Variants in NCK2 observed in about 807,000 individuals in gnomAD.
NCK2 encodes NCK adaptor protein 2, also known as cytoplasmic protein NCK2.
A neutral mutation model predicts 33.9 loss-of-function variants in NCK2; 16 were observed. The ratio of observed to expected loss-of-function variants is 0.47; its 90% CI spans 0.32 to 0.72. NCK2 has a LOEUF of 0.72. Among genes scored for constraint, NCK2 ranks in the 30% least tolerant of loss-of-function variants. The pLI, the probability that NCK2 is intolerant of heterozygous loss-of-function variation, is 0.03. For synonymous variants in NCK2, 273 were observed against 239.9 expected, an observed-to-expected ratio of 1.14 and a Z score of -1.27; for missense variants, 418 against 537.3, an observed-to-expected ratio of 0.78 and a Z score of 2.19.
chr2:105,783,590 G>A (rs1054840568), intron 1 of NCK2, among the ~76,000 whole-genome samples: 1 of 152,154 alleles, frequency 6.6e-6, no homozygotes, highest in South Asian at 2.1e-4. Flanking sequence ...GCAGCCGTTC[G>A]CGGAGAATAA....
chr2:105,802,814 A>C (rs1348781790), intron 1 of NCK2, among the ~76,000 whole-genome samples: 5 of 151,808 alleles, frequency 3.3e-5, no homozygotes, highest in African/African-American at 1.2e-4. Flanking sequence ...TGTCACATAC[A>C]TGGGCCATGG....
At chr2:105,840,349 C>T (rs1028739699) in intron 2 of NCK2, among the ~76,000 whole-genome samples, 1 of 152,064 alleles carries the variant, frequency 6.6e-6, no homozygotes, top group South Asian at 2.1e-4. Context: ...TGTTTTCTTC[C>T]GATTGCCTGA....
At chr2:105,808,145 A>G (rs1484120378) in intron 1 of NCK2, among the ~76,000 whole-genome samples, 2 of 152,074 alleles carry the variant, frequency 1.3e-5, no homozygotes, top group African/African-American at 2.4e-5. Flanking sequence ...TGATCCACCC[A>G]CCTTGGCCTC....
rs1664271778 is a variant in NCK2, at chr2:105,881,855, G to T, written c.754G>T (p.Val252Leu). 1.3e-6 allele frequency: 2 copies of T among 1,592,842 alleles called. No homozygotes were observed. Among genetic ancestry groups the T allele is most frequent in the African/African-American group, 2.7e-5 (2 of 74,496 alleles). ...GQVGLVPKNY[V>L]VVLSDGPALH... ...GGTGGGCCTCGTCCCCAAAAACTAC[G>T]TGGTGGTCCTCAGTGACGGGCCTGC... Residue 252 changes from valine (V) to leucine (L), a missense_variant, in exon 4 of 5, where the codon GTG (valine) becomes TTG (leucine). By Grantham distance (32) the Val-to-Leu change is conservative. Coordinates refer to ENST00000233154, the MANE Select transcript of NCK2 (RefSeq NM_003581.5).
At chr2:105,810,078 T>C (rs997807029) in intron 1 of NCK2, among the ~76,000 whole-genome samples, 5 of 152,138 alleles carry the variant, frequency 3.3e-5, no homozygotes, top group African/African-American at 1.2e-4. Context: ...ACATCCCCAC[T>C]CTTCATTCCT....
intron 1 of NCK2, among the ~76,000 whole-genome samples, chr2:105,807,477 A>T (rs1015807021): frequency 2.6e-5 from 4 of 152,146 alleles, no homozygotes; most frequent in African/African-American, 9.7e-5. Context: ...CATACAGCTG[A>T]TATCTATGTA....
At chr2:105,817,191 C>A (rs1385157407) in intron 2 of NCK2, among the ~76,000 whole-genome samples, 2 of 97,382 alleles carry the variant, frequency 2.1e-5, no homozygotes, top group South Asian at 3.5e-4. Flanking sequence ...AAAAAAAAAA[C>A]CTACATCAAA....
chr2:105,796,511 G>A (rs756881015), intron 1 of NCK2, among the ~76,000 whole-genome samples: 9 of 152,130 alleles, frequency 5.9e-5, no homozygotes, highest in Admixed American at 1.3e-4. Context: ...TATTGGCACC[G>A]GTTGCAGAGA....
intron 2 of NCK2, among the ~76,000 whole-genome samples, chr2:105,839,067 G>A (rs556875677): frequency 1.2e-4 from 18 of 152,262 alleles, no homozygotes; most frequent in African/African-American, 4.3e-4. Context: ...AGAGAGGCAG[G>A]GAGAGCAAGG....
In NCK2 at chr2:105,881,732, G is replaced by C; in HGVS notation, c.631G>C (p.Glu211Gln). ...QTLYPFSSVT[E>Q]EELNFEKGET... ...GCTGTACCCCTTCAGCTCAGTCACC[G>C]AGGAGGAGCTCAACTTCGAGAAGGG... Residue 211 changes from glutamate to glutamine, a missense_variant, in exon 4 of 5, where the codon GAG (glutamate) becomes CAG (glutamine). By Grantham distance (29) the Glu-to-Gln change is conservative. Transcript: ENST00000233154. The C allele has an allele frequency of 6.2e-7, 1 of 1,614,230 alleles. No individual in the cohort carries two copies. The highest frequency in any genetic ancestry group is 1.1e-5 in the South Asian group (1 of 91,090).
At chr2:105,863,972 G>T (rs892471321) in intron 3 of NCK2, among the ~76,000 whole-genome samples, 3 of 146,768 alleles carry the variant, frequency 2.0e-5, no homozygotes, top group Non-Finnish European at 3.1e-5. Flanking sequence ...GACTTGGCGA[G>T]GGGGGGTGGG....
chr2:105,833,148 G>A (rs938940067), intron 2 of NCK2, among the ~76,000 whole-genome samples: 6 of 151,554 alleles, frequency 4.0e-5, no homozygotes, highest in Admixed American at 3.3e-4. Context: ...AGGCTGGAGT[G>A]TAGTGGCGTG....
chr2:105,817,908 A>T (rs997859668), intron 2 of NCK2, among the ~76,000 whole-genome samples: 1 of 152,082 alleles, frequency 6.6e-6, no homozygotes, highest in Non-Finnish European at 1.5e-5. Context: ...ATACCATTTG[A>T]CCCAGCCATC....
intron 1 of NCK2, among the ~76,000 whole-genome samples, chr2:105,809,913 A>G (rs989641322): frequency 1.3e-5 from 2 of 152,282 alleles, no homozygotes; most frequent in South Asian, 2.1e-4. Context: ...GCAGTTCCCA[A>G]CACTGAGGGG....
chr2:105,833,741 C>T (rs866389986), intron 2 of NCK2, among the ~76,000 whole-genome samples: 2 of 152,022 alleles, frequency 1.3e-5, no homozygotes, highest in African/African-American at 2.4e-5. Context: ...GGTTTGTTCT[C>T]ACTTTTCTAG....
intron 1 of NCK2, among the ~76,000 whole-genome samples, chr2:105,778,865 G>C (rs1241088140): frequency 2.6e-5 from 4 of 151,564 alleles, no homozygotes; most frequent in African/African-American, 9.7e-5. Flanking sequence ...TAGGACTATA[G>C]GCACACACCA....
intron 1 of NCK2, among the ~76,000 whole-genome samples, chr2:105,790,884 G>A (rs1391091716): frequency 6.6e-6 from 1 of 152,216 alleles, no homozygotes; most frequent in Non-Finnish European, 1.5e-5. Context: ...AGGCAAGGGA[G>A]GAGAGTCCTC....
chr2:105,778,988 ATAAT>A (rs1250788864), intron 1 of NCK2, among the ~76,000 whole-genome samples: 1 of 152,202 alleles, frequency 6.6e-6, no homozygotes, highest in African/African-American at 2.4e-5. Context: ...GTTAAAACAA[ATAAT>A]TGAGAATAAT....
At chr2:105,875,419 C>T (rs1291499753) in intron 3 of NCK2, among the ~76,000 whole-genome samples, 1 of 152,244 alleles carries the variant, frequency 6.6e-6, no homozygotes. Flanking sequence ...TCATTTCCCA[C>T]AGCAGCAGCC....
Sources: allele counts gnomAD v4.1 joint callset (sites outside exome capture counted in the v4.1 genomes callset), GRCh38; gene constraint gnomAD v4.1.1; transcripts MANE v1.5; gene names NCBI Gene and HGNC (gene_info 2026-07-23, HGNC 2026-07-21).